AVEN: variants seen among roughly 807,000 people sequenced by gnomAD.
The protein encoded by AVEN is cell death regulator Aven.
In AVEN, 41 loss-of-function variants were observed where a neutral mutation model predicts 38.1. That is an observed-to-expected ratio of 1.08 (90% confidence interval 0.84 to 1.40). The LOEUF (loss-of-function observed/expected upper bound fraction) is 1.40, where lower values mean the gene tolerates loss of function less well. Ranked by LOEUF, AVEN falls within the 40% of genes most tolerant of loss-of-function variation. AVEN has a pLI of 0.00. For missense variants in AVEN, 605 were observed against 438.8 expected (o/e 1.38, Z -3.38); for synonymous variants, 206 against 171.8 (o/e 1.20, Z -1.56).
At chr15:34,040,969 G>A (rs1899450753), upstream of AVEN, among the ~76,000 whole-genome samples, 1 of 151,974 alleles carries the variant, frequency 6.6e-6, no homozygotes, top group Non-Finnish European at 1.5e-5. Context: ...GTGGGGAAGG[G>A]GCATGGAAGA....
intron 1 of AVEN, among the ~76,000 whole-genome samples, chr15:34,011,200 CTTTG>C (rs1006161029): frequency 9.9e-5 from 15 of 151,884 alleles, no homozygotes; most frequent in African/African-American, 3.6e-4. Context: ...TCAAAAAAAA[CTTTG>C]TTTACTAGGC....
At chr15:34,070,694 T>C (rs1197728223) in intron 1 of AVEN, among the ~76,000 whole-genome samples, 1 of 152,168 alleles carries the variant, frequency 6.6e-6, no homozygotes, top group Non-Finnish European at 1.5e-5. Context: ...CATCTACTGA[T>C]ATTGAGAGCT....
intron 2 of AVEN, among the ~76,000 whole-genome samples, chr15:33,881,607 T>A (rs1030960359): frequency 2.0e-5 from 3 of 152,184 alleles, no homozygotes; most frequent in African/African-American, 7.2e-5. Context: ...AAACTATGAA[T>A]CCTAGAACTA....
intron 2 of AVEN, among the ~76,000 whole-genome samples, chr15:33,937,130 CAAAAAA>C (rs11284986): frequency 4.7e-5 from 5 of 106,294 alleles, no homozygotes; most frequent in Admixed American, 1.0e-4. Context: ...GACTTCAACT[CAAAAAA>C]AAAAAAAAAA....
chr15:33,860,461 G>A (rs558183755), intron 11 of AVEN: 20 of 543,652 alleles, frequency 3.7e-5, no homozygotes, highest in East Asian at 2.1e-4. Flanking sequence ...AAAGAAACAC[G>A]AGTATTATTT....
intron 2 of AVEN, among the ~76,000 whole-genome samples, chr15:33,921,560 A>T (rs538343049): frequency 6.6e-6 from 1 of 152,342 alleles, no homozygotes; most frequent in South Asian, 2.1e-4. Context: ...ATGGAAGCCA[A>T]GAAAGTTGGA....
intron 1 of AVEN, among the ~76,000 whole-genome samples, chr15:34,012,132 G>C (rs533105643): frequency 3.3e-5 from 5 of 152,320 alleles, no homozygotes; most frequent in African/African-American, 1.2e-4. Context: ...CAACTCCCAG[G>C]TAAAGTCTAT....
At position 33,983,160 on chromosome 15, in the gene AVEN, A is replaced by ATGTGTG. The variant is rs1491327104; in HGVS notation, c.445+19866_445+19871dup. Reference sequence around the variant, plus strand: ...TGTGTGTGTGTGTGTGTGTGTGTGTATGTGTGTGTGTATATATACACACGT... The same window carrying ATGTGTG: ...TGTGTGTGTGTGTGTGTGTGTGTGTATGTGTGTGTGTGTGTGTATATATACACACGT... On this transcript the variant is annotated intron_variant, in intron 2 of 5. Coordinates refer to ENST00000306730, the MANE Select transcript of AVEN (RefSeq NM_020371.3). Among the ~76,000 whole-genome samples the ATGTGTG allele has an allele frequency of 6.5e-3, 422 of 64,586 alleles. 4 individuals carry two copies. The highest frequency in any genetic ancestry group is 0.034 in the African/African-American group (407 of 12,146). 42.4% of individuals were successfully genotyped at this position (64,586 alleles called of 152,430 possible). A position where few individuals can be genotyped will look rare whatever the true frequency, so the allele number is the denominator to read the frequency against.
chr15:34,038,760 C>T lies in AVEN; in HGVS notation c.267+20G>A, dbSNP rs1899295795. 4 of 1,162,892 alleles carry T rather than the reference C, an allele frequency of 3.4e-6. No homozygotes were observed. Among genetic ancestry groups the T allele is most frequent in the Non-Finnish European group, 4.2e-6 (4 of 945,310 alleles). 72.0% of individuals were successfully genotyped at this position (1,162,892 alleles called of 1,614,324 possible). A position where few individuals can be genotyped will look rare whatever the true frequency, so the allele number is the denominator to read the frequency against. On this transcript the variant is annotated intron_variant, in intron 1 of 5. Coordinates refer to ENST00000306730, the MANE Select transcript of AVEN (RefSeq NM_020371.3). ...CCCCAGTTACACGCGGTCCCAGCCC[C>T]ACCAGCCGTCGCCTCTTACCGGCGC...
intron 2 of AVEN, among the ~76,000 whole-genome samples, chr15:33,982,967 G>A (rs1371664154): frequency 6.6e-6 from 1 of 151,746 alleles, no homozygotes; most frequent in Non-Finnish European, 1.5e-5. Context: ...ACTCCTGTTG[G>A]GATAATTTTT....
chr15:34,063,261 G>A lies in AVEN; in HGVS notation n.1298C>T. On this transcript the variant is annotated non_coding_transcript_exon_variant, in exon 5 of 12. Transcript: ENST00000675287. This position sits in a 1 kb window ranked among gnomAD's most constrained non-coding sequence, Gnocchi z 4.1. ...TGGGAAGCGGACAGTTCCACTGGAT[G>A]AGTGCCAGATCCAGTTTCTCTCTGA... 6.2e-7 allele frequency: 1 copy of A among 1,614,134 alleles called. No homozygotes were observed. The highest frequency in any genetic ancestry group is 2.2e-5 in the East Asian group (1 of 44,876).
chr15:33,857,699 C>G, downstream of AVEN: 1 of 1,554,448 alleles, frequency 6.4e-7, no homozygotes, highest in Middle Eastern at 1.7e-4. Context: ...TCTTCCTCCT[C>G]GTTTTCTTAG....
intron 2 of AVEN, among the ~76,000 whole-genome samples, chr15:33,994,676 G>A (rs1249673501): frequency 6.6e-6 from 1 of 152,162 alleles, no homozygotes; most frequent in Non-Finnish European, 1.5e-5. Flanking sequence ...TATACATACA[G>A]TGTGTGTGAA....
chr15:33,927,938 G>A (rs1893688687), intron 2 of AVEN, among the ~76,000 whole-genome samples: 1 of 152,150 alleles, frequency 6.6e-6, no homozygotes. Context: ...TGCCCACTGT[G>A]CCAACTCAGC....
At chr15:34,045,636 T>C (rs1899653504) in intron 5 of AVEN, among the ~76,000 whole-genome samples, 1 of 152,138 alleles carries the variant, frequency 6.6e-6, no homozygotes, top group Non-Finnish European at 1.5e-5. Context: ...ATTAAAGTTT[T>C]CCACTGTAGT....
chr15:33,875,540 T>C (rs1891184462), intron 3 of AVEN, among the ~76,000 whole-genome samples: 1 of 151,924 alleles, frequency 6.6e-6, no homozygotes, highest in Non-Finnish European at 1.5e-5. Context: ...AGGTTAAGGG[T>C]TTTCTCAACC....
chr15:34,063,459 G>T lies in AVEN; in HGVS notation n.1127-27C>A. 1 of 1,613,758 alleles carries T rather than the reference G, an allele frequency of 6.2e-7. No homozygotes were observed. The highest frequency in any genetic ancestry group is 1.7e-5 in the Admixed American group (1 of 60,022). On this transcript the variant is annotated intron_variant and non_coding_transcript_variant, in intron 4 of 11. Transcript: ENST00000675287. The surrounding 1 kb of genome is among the most constrained non-coding windows in gnomAD (Gnocchi z 4.1). ...TGAGAAGAGAAAGCCAGCTCATAGG[G>T]CTCTGTTCAGATCCTGCTTGCGCTG...
In AVEN at chr15:34,063,456, A is replaced by AGG; in HGVS notation, n.1127-26_1127-25dup. ...AGCTGAGAAGAGAAAGCCAGCTCAT[A>AGG]GGGCTCTGTTCAGATCCTGCTTGCG... On this transcript the variant is annotated intron_variant and non_coding_transcript_variant, in intron 4 of 11. Coordinates refer to the AVEN transcript ENST00000675287. The surrounding 1 kb of genome is among the most constrained non-coding windows in gnomAD (Gnocchi z 4.1). 1 of 1,613,892 alleles carries AGG rather than the reference A, an allele frequency of 6.2e-7. No individual in the cohort carries two copies. Among genetic ancestry groups the AGG allele is most frequent in the Non-Finnish European group, 8.5e-7 (1 of 1,180,028 alleles).
chr15:33,956,561 T>A (rs547087063), intron 2 of AVEN, among the ~76,000 whole-genome samples: 1 of 150,574 alleles, frequency 6.6e-6, no homozygotes, highest in Admixed American at 6.6e-5. Context: ...TGGAAACTAG[T>A]TCTCTGTAAT....
Sources: allele counts gnomAD v4.1 joint callset (sites outside exome capture counted in the v4.1 genomes callset), GRCh38; gene constraint gnomAD v4.1.1; non-coding constraint Gnocchi (gnomAD v3.1); transcripts MANE v1.5; gene names NCBI Gene and HGNC (gene_info 2026-07-23, HGNC 2026-07-21).